MBNL1: variants seen among roughly 807,000 people sequenced by gnomAD.
The protein encoded by MBNL1 is muscleblind like splicing regulator 1.
A neutral mutation model predicts 42.2 loss-of-function variants in MBNL1; 8 were observed. The ratio of observed to expected loss-of-function variants is 0.19; its 90% CI spans 0.11 to 0.34. The LOEUF (loss-of-function observed/expected upper bound fraction) is 0.34. Among genes scored for constraint, MBNL1 ranks in the 10% least tolerant of loss-of-function variants. The pLI, the probability that MBNL1 is intolerant of heterozygous loss-of-function variation, is 1.00. For missense variants in MBNL1, 309 were observed against 495.3 expected, an observed-to-expected ratio of 0.62 and a Z score of 3.57; for synonymous variants, 169 against 173.9, an observed-to-expected ratio of 0.97 and a Z score of 0.22.
intron 1 of MBNL1, among the ~76,000 whole-genome samples, chr3:152,289,566 CAT>C (rs201889170): frequency 0.043 from 6,588 of 151,718 alleles, 196 homozygotes; most frequent in Non-Finnish European, 0.063. Context: ...TGTTTGTGAG[CAT>C]ATGTGAATTT....
intron 5 of MBNL1, 104 bp from the exon 6 acceptor site, chr3:152,447,516 C>T (rs886534050): frequency 1.8e-5 from 13 of 717,032 alleles, no homozygotes; most frequent in African/African-American, 1.1e-4. Flanking sequence ...TGCTCTGCTG[C>T]TTGCTTGCTC....
intron 2 of MBNL1, among the ~76,000 whole-genome samples, chr3:152,394,009 A>T (rs2097828283): frequency 6.6e-6 from 1 of 152,338 alleles, no homozygotes; most frequent in South Asian, 2.1e-4. Flanking sequence ...ATTTAGTTAT[A>T]AATCTATTTT....
chr3:152,425,011 T>A (rs1263752739), intron 3 of MBNL1, among the ~76,000 whole-genome samples: 1 of 152,118 alleles, frequency 6.6e-6, no homozygotes, highest in African/African-American at 2.4e-5. Context: ...AAAGACTTCA[T>A]GACTAAAACA....
intron 1 of MBNL1, among the ~76,000 whole-genome samples, chr3:152,279,461 A>G (rs1028803885): frequency 2.6e-5 from 4 of 152,158 alleles, no homozygotes; most frequent in African/African-American, 9.7e-5. Context: ...CCCATACAAC[A>G]ACTGACATAA....
chr3:152,379,557 A>G (rs577262495), intron 2 of MBNL1, among the ~76,000 whole-genome samples: 1 of 152,300 alleles, frequency 6.6e-6, no homozygotes, highest in Admixed American at 6.5e-5. Flanking sequence ...ATGCGTGTGC[A>G]TGTCACTACA....
intron 2 of MBNL1, among the ~76,000 whole-genome samples, chr3:152,322,065 G>T (rs1192730546): frequency 1.3e-5 from 2 of 151,728 alleles, no homozygotes; most frequent in Non-Finnish European, 2.9e-5. Context: ...TGAAAACAGA[G>T]TTTTTTTAAC....
chr3:152,410,944 T>A (rs1242673810), intron 2 of MBNL1, among the ~76,000 whole-genome samples: 5 of 152,376 alleles, frequency 3.3e-5, no homozygotes, highest in Admixed American at 3.3e-4. Flanking sequence ...AACTGCTGCT[T>A]GTTATTAGCT....
Position 152,299,933 on chromosome 3 carries a change from A to G in MBNL1, c.-261A>G, listed in dbSNP as rs993511619. 3 of 458,484 alleles carry G rather than the reference A, an allele frequency of 6.5e-6. No homozygotes were observed. The highest frequency in any genetic ancestry group is 6.1e-5 in the African/African-American group (3 of 49,410). The allele number at this position is 458,484 out of a possible 1,614,324, so 28.4% of individuals were successfully genotyped here. On this transcript the variant is annotated 5_prime_UTR_variant, in exon 2 of 10. Transcript: ENST00000324210. The stretch of plus-strand genomic sequence containing the variant: ...AGGCCCTACTTTTAAACGTTCATCT[A>G]CTTACAATCCTAGTATTTCTCTAAA...
At chr3:152,341,478 T>A (rs2093197610) in intron 2 of MBNL1, among the ~76,000 whole-genome samples, 1 of 152,222 alleles carries the variant, frequency 6.6e-6, no homozygotes, top group Non-Finnish European at 1.5e-5. Flanking sequence ...GAAGTGAGTG[T>A]TAATTCTCAA....
intron 2 of MBNL1, among the ~76,000 whole-genome samples, chr3:152,328,700 G>A (rs1387544867): frequency 6.6e-6 from 1 of 152,144 alleles, no homozygotes; most frequent in East Asian, 1.9e-4. Flanking sequence ...TGCTTTGCTG[G>A]AGTACCTTAT....
At chr3:152,279,290 T>C (rs1424788927) in intron 1 of MBNL1, among the ~76,000 whole-genome samples, 3 of 152,078 alleles carry the variant, frequency 2.0e-5, no homozygotes, top group Non-Finnish European at 4.4e-5. Context: ...GAAATTATCT[T>C]ATTTGCCTAA....
chr3:152,342,074 A>C (rs2093359772), intron 2 of MBNL1, among the ~76,000 whole-genome samples: 2 of 152,182 alleles, frequency 1.3e-5, no homozygotes. Flanking sequence ...CAAGTGAGGA[A>C]ACTGATACCA....
intron 2 of MBNL1, among the ~76,000 whole-genome samples, chr3:152,341,613 G>A (rs1265163109): frequency 6.6e-6 from 1 of 152,146 alleles, no homozygotes; most frequent in Non-Finnish European, 1.5e-5. Context: ...TTTTTGGAGA[G>A]CATGGGAGCT....
At chr3:152,421,869 A>G (rs1424229574) in intron 3 of MBNL1, among the ~76,000 whole-genome samples, 1 of 152,168 alleles carries the variant, frequency 6.6e-6, no homozygotes, top group Non-Finnish European at 1.5e-5. Flanking sequence ...CTTTACAGAC[A>G]AGTAAATGCT....
chr3:152,287,495 T>C (rs1355273318), intron 1 of MBNL1, among the ~76,000 whole-genome samples: 1 of 152,148 alleles, frequency 6.6e-6, no homozygotes, highest in African/African-American at 2.4e-5. Flanking sequence ...TTAGCCTTGA[T>C]TGATTATGGT....
chr3:152,418,480 C>G (rs1307335357), intron 3 of MBNL1, among the ~76,000 whole-genome samples: 4 of 151,878 alleles, frequency 2.6e-5, no homozygotes, highest in African/African-American at 9.7e-5. Context: ...CAAGACCAAC[C>G]TGGGCAACAT....
In MBNL1 at chr3:152,432,784, G is replaced by C; in HGVS notation, c.413G>C (p.Gly138Ala). ...GCAGCCGCCTTTAATCCCTATCTGGGACCTGTTTCTCCAAGCCTGGTCCCG... is the reference window on the plus strand; with the variant it reads ...GCAGCCGCCTTTAATCCCTATCTGGCACCTGTTTCTCCAAGCCTGGTCCCG... ...ASAAAFNPYL[G>A]PVSPSLVPAE... is the part of the protein sequence containing the mutation. Residue 138 changes from glycine (G) to alanine (A), a missense_variant, in exon 4 of 10, where the codon GGA becomes GCA. Coordinates refer to ENST00000324210, the MANE Select transcript of MBNL1 (RefSeq NM_021038.5). The C allele has an allele frequency of 6.2e-7, 1 of 1,614,118 alleles. No homozygotes were observed. The highest frequency in any genetic ancestry group is 8.5e-7 in the Non-Finnish European group (1 of 1,180,016).
At chr3:152,407,611 A>G (rs1380420742) in intron 2 of MBNL1, among the ~76,000 whole-genome samples, 1 of 152,196 alleles carries the variant, frequency 6.6e-6, no homozygotes, top group Non-Finnish European at 1.5e-5. Flanking sequence ...AACACAGACA[A>G]TTATGTAATA....
intron 1 of MBNL1, among the ~76,000 whole-genome samples, chr3:152,272,576 T>TA (rs141806024): frequency 0.013 from 1,904 of 145,978 alleles, 40 homozygotes; most frequent in East Asian, 0.067. Flanking sequence ...TTTAGAAAGT[T>TA]AAAAAAAAAA....
Sources: allele counts gnomAD v4.1 joint callset (sites outside exome capture counted in the v4.1 genomes callset), GRCh38; gene constraint gnomAD v4.1.1; transcripts MANE v1.5; gene names NCBI Gene and HGNC (gene_info 2026-07-23, HGNC 2026-07-21).